The following TRAP1 variants were observed in gnomAD, a reference collection of about 807,000 sequenced individuals.
TRAP1 encodes TNF receptor associated protein 1.
A neutral mutation model predicts 89.1 loss-of-function variants in TRAP1; 102 were observed. The observed-to-expected ratio is 1.15, with a 90% CI of 0.98 to 1.35. TRAP1 has a LOEUF of 1.35. TRAP1 is among the 40% of genes most tolerant of loss of function. The pLI is 0.00. For missense variants in TRAP1, 1,256 were observed against 945.3 expected (o/e 1.33, Z -4.31); for synonymous variants, 508 against 388.0 (o/e 1.31, Z -3.64).
At chr16:3,714,282 T>C (rs2094729511) in intron 1 of TRAP1, among the ~76,000 whole-genome samples, 1 of 152,172 alleles carries the variant, frequency 6.6e-6, no homozygotes, top group South Asian at 2.1e-4. Flanking sequence ...GCATTGGAAA[T>C]GTATTTGCTG....
At position 3,662,891 on chromosome 16, in the gene TRAP1, G is replaced by T; in HGVS notation, c.1785C>A (p.Thr595=). 6.2e-7 allele frequency: 1 copy of T among 1,613,586 alleles called. No individual in the cohort carries two copies. Among genetic ancestry groups the T allele is most frequent in the Admixed American group, 1.7e-5 (1 of 60,028 alleles). The change falls in exon 15 of 18, where the codon ACC becomes ACA. Residue 595 remains threonine, a synonymous_variant. Transcript: ENST00000246957. ...WMRNVLGSRV[T]NVKVTLRLDT... The stretch of plus-strand genomic sequence containing the variant: ...CCCGGGAAAGCCTCACCTTCACGTT[G>T]GTGACACGCGACCCCAGCACATTTC...
At chr16:3,674,571 G>C (rs1447665869) in intron 8 of TRAP1, 77 bp from the exon 9 acceptor site, 19 of 1,542,422 alleles carry the variant, frequency 1.2e-5, no homozygotes, top group Non-Finnish European at 1.7e-5. Flanking sequence ...GCCTGAGCCA[G>C]TGCAGCGCCT....
intron 12 of TRAP1, among the ~76,000 whole-genome samples, chr16:3,665,753 G>C (rs2050816718): frequency 6.6e-6 from 1 of 152,226 alleles, no homozygotes; most frequent in African/African-American, 2.4e-5. Context: ...GAGCCCTTCA[G>C]AGCACAGCAC....
At chr16:3,659,138 G>A in intron 16 of TRAP1, 1 of 359,872 alleles carries the variant, frequency 2.8e-6, no homozygotes, top group African/African-American at 2.1e-5. Flanking sequence ...AGTACGTGAA[G>A]ACATGCCTTG....
intron 1 of TRAP1, among the ~76,000 whole-genome samples, chr16:3,697,567 G>A (rs2151275014): frequency 6.6e-6 from 1 of 151,426 alleles, no homozygotes; most frequent in African/African-American, 2.4e-5. Context: ...GGGAGGCTGA[G>A]GCAGGAGAAT....
intron 11 of TRAP1, 116 bp from the exon 12 acceptor site, chr16:3,666,234 G>T: frequency 7.5e-7 from 1 of 1,326,416 alleles, no homozygotes; most frequent in Non-Finnish European, 1.0e-6. Flanking sequence ...AAACAACAAG[G>T]TACCGTTATT....
At chr16:3,699,652 G>C (rs1445877573) in intron 1 of TRAP1, among the ~76,000 whole-genome samples, 1 of 128,182 alleles carries the variant, frequency 7.8e-6, no homozygotes, top group Non-Finnish European at 1.7e-5. Context: ...AAAAAAAAAA[G>C]ATTTATTCAT....
At chr16:3,681,158 A>T (rs1411421113) in intron 4 of TRAP1, among the ~76,000 whole-genome samples, 2 of 152,092 alleles carry the variant, frequency 1.3e-5, no homozygotes, top group African/African-American at 4.8e-5. Context: ...CCTTAAATAA[A>T]AGAGCTCACT....
chr16:3,700,275 C>T (rs2051348058), intron 1 of TRAP1, among the ~76,000 whole-genome samples: 1 of 150,782 alleles, frequency 6.6e-6, no homozygotes. Context: ...TCAAGCGATT[C>T]TCCTGCCTCA....
chr16:3,702,265 G>C (rs2051376395), intron 1 of TRAP1, among the ~76,000 whole-genome samples: 1 of 151,778 alleles, frequency 6.6e-6, no homozygotes, highest in African/African-American at 2.4e-5. Flanking sequence ...CCAATGACTA[G>C]ACTAAGTGGA....
chr16:3,708,767 G>A (rs2051485497), intron 1 of TRAP1, among the ~76,000 whole-genome samples: 1 of 151,928 alleles, frequency 6.6e-6, no homozygotes, highest in Admixed American at 6.6e-5. Context: ...AGTAAGGTGA[G>A]ATGGCGCCAC....
At chr16:3,661,878 C>G (rs560086287) in intron 16 of TRAP1, 109 bp downstream of exon 16, 3 of 1,379,108 alleles carry the variant, frequency 2.2e-6, no homozygotes, top group Admixed American at 5.5e-5. Flanking sequence ...CCCACATGTC[C>G]ACAGGCCTCA....
chr16:3,676,709 A>G (rs2051000992), intron 6 of TRAP1: 1 of 152,420 alleles, frequency 6.6e-6, no homozygotes, highest in African/African-American at 2.4e-5. Flanking sequence ...TGGAGCAGAA[A>G]TGGCATCACG....
intron 14 of TRAP1, 172 bp from the exon 15 acceptor site, chr16:3,663,139 C>T (rs1439324151): frequency 1.5e-5 from 10 of 668,662 alleles, no homozygotes; most frequent in Non-Finnish European, 2.5e-5. Flanking sequence ...CTTCAGGTTG[C>T]CTGAGGCCCA....
intron 16 of TRAP1, chr16:3,661,190 G>GT (rs978600176): frequency 6.6e-6 from 1 of 152,148 alleles, no homozygotes; most frequent in African/African-American, 2.4e-5. Context: ...TACAGAGAAT[G>GT]TAAGGTACCA....
chr16:3,679,597 C>T, intron 5 of TRAP1, 122 bp downstream of exon 5: 1 of 944,022 alleles, frequency 1.1e-6, no homozygotes, highest in Non-Finnish European at 1.7e-6. Context: ...TCCCACAGTA[C>T]CCACTGCGTG....
chr16:3,675,940 A>G, intron 7 of TRAP1, 96 bp downstream of exon 7: 1 of 1,079,412 alleles, frequency 9.3e-7, no homozygotes, highest in East Asian at 2.4e-5. Flanking sequence ...TGTGCACCCT[A>G]CGTGCAGGTA....
rs371163620 is a variant in TRAP1 at position 3,691,015 on chromosome 16, G to C, written c.89-30C>G. On this transcript the variant is annotated intron_variant, in intron 1 of 17. Coordinates refer to ENST00000246957, the MANE Select transcript of TRAP1 (RefSeq NM_016292.3). ...AAAGACAAATATGCAGAAAGAATGAGAATTAGGAAGACACGAGAAACAATA... is the reference window on the plus strand; with the variant it reads ...AAAGACAAATATGCAGAAAGAATGACAATTAGGAAGACACGAGAAACAATA... 4 of 1,436,536 alleles carry C rather than the reference G, an allele frequency of 2.8e-6. No individual in the cohort carries two copies. In the South Asian group the frequency reaches 4.5e-5, roughly 16 times the overall value. 89.0% of individuals were successfully genotyped at this position (1,436,536 alleles called of 1,614,324 possible).
At chr16:3,695,611 AAAATG>A (rs1235435373) in intron 1 of TRAP1, among the ~76,000 whole-genome samples, 1 of 152,210 alleles carries the variant, frequency 6.6e-6, no homozygotes, top group Non-Finnish European at 1.5e-5. Flanking sequence ...ACATGAACAC[AAAATG>A]AAATACAAAC....
Sources: allele counts gnomAD v4.1 joint callset (sites outside exome capture counted in the v4.1 genomes callset), GRCh38; gene constraint gnomAD v4.1.1; transcripts MANE v1.5; gene names NCBI Gene and HGNC (gene_info 2026-07-23, HGNC 2026-07-21).